The following NTRK3 variants were observed in gnomAD, a reference collection of about 807,000 sequenced individuals.
NTRK3 encodes neurotrophic receptor tyrosine kinase 3, also known as NT-3 growth factor receptor.
NTRK3 carries 24 observed loss-of-function variants against 91.7 expected under a neutral mutation model. That is an observed-to-expected ratio of 0.26 (90% confidence interval 0.19 to 0.37). The LOEUF is 0.37. Ranked by LOEUF, NTRK3 falls within the 10% of genes least tolerant of loss-of-function variation. The pLI is 1.00. For synonymous variants in NTRK3, 483 were observed against 404.0 expected, an observed-to-expected ratio of 1.20 and a Z score of -2.34; for missense variants, 880 against 1,068.9, an observed-to-expected ratio of 0.82 and a Z score of 2.46.
At position 88,077,514 on chromosome 15, in the gene NTRK3, G is replaced by A. The variant is rs2047655478; in HGVS notation, c.1397-44469C>T. On this transcript the variant is annotated intron_variant, in intron 13 of 18. Coordinates refer to ENST00000394480, the Ensembl canonical transcript of NTRK3. The stretch of plus-strand genomic sequence containing the variant: ...AGCCACGTGCAAATCAAAACCTTGA[G>A]AAACCCGGCACTTTGGAGAAGTAAG... Among the ~76,000 whole-genome samples, 5 of 152,002 alleles carry A rather than the reference G, an allele frequency of 3.3e-5. No individual in the cohort carries two copies. The South Asian group carries it at 1.0e-3, about 32-fold the overall frequency.
chr15:87,918,789 G>A (rs766102346), intron 17 of NTRK3, among the ~76,000 whole-genome samples: 6 of 152,188 alleles, frequency 3.9e-5, no homozygotes, highest in Non-Finnish European at 8.8e-5. Context: ...TGGTATGAGG[G>A]TAGGAAATAA....
intron 13 of NTRK3, among the ~76,000 whole-genome samples, chr15:88,117,587 C>T (rs2052236844): frequency 6.6e-6 from 1 of 152,204 alleles, no homozygotes; most frequent in Admixed American, 6.5e-5. Flanking sequence ...CTCAAAAGAA[C>T]CTTAGCTTGG....
chr15:88,090,225 T>A (rs150700869), intron 13 of NTRK3, among the ~76,000 whole-genome samples: 2 of 152,234 alleles, frequency 1.3e-5, no homozygotes, highest in East Asian at 3.9e-4. Context: ...ATGTTATAGG[T>A]TCATTTGTTT....
intron 6 of NTRK3, among the ~76,000 whole-genome samples, chr15:88,138,219 C>G (rs2042056263): frequency 6.6e-6 from 1 of 151,560 alleles, no homozygotes; most frequent in Non-Finnish European, 1.5e-5. Flanking sequence ...CGGATTAACA[C>G]TGTGAAACCC....
intron 3 of NTRK3, among the ~76,000 whole-genome samples, chr15:88,247,859 T>C (rs1264493364): frequency 6.7e-6 from 1 of 149,326 alleles, no homozygotes; most frequent in Non-Finnish European, 1.5e-5. Context: ...CGGGGTAAGG[T>C]CGCGGGGGGA....
chr15:88,079,397 C>A (rs961677345), intron 13 of NTRK3, among the ~76,000 whole-genome samples: 10 of 152,168 alleles, frequency 6.6e-5, no homozygotes, highest in African/African-American at 2.4e-4. Flanking sequence ...TACCAGGATG[C>A]CCCTGCTTCC....
chr15:88,004,326 G>T (rs1164762107), intron 14 of NTRK3, among the ~76,000 whole-genome samples: 2 of 152,188 alleles, frequency 1.3e-5, no homozygotes, highest in Non-Finnish European at 2.9e-5. Flanking sequence ...TATAGGAAGA[G>T]CCCAAGAGAC....
In NTRK3 at chr15:88,101,703, T is replaced by C. The variant is rs1171766155; in HGVS notation, c.1396+24568A>G. On this transcript the variant is annotated intron_variant, in intron 13 of 18. Coordinates refer to ENST00000394480, the Ensembl canonical transcript of NTRK3. The stretch of plus-strand genomic sequence containing the variant: ...TATGCAGCCATAAAAAATGATGAGT[T>C]CGTGTCCTTTGTAGGAACATGGATG... Among the ~76,000 whole-genome samples, 3 of 152,224 alleles carry C rather than the reference T, an allele frequency of 2.0e-5. No homozygotes were observed. The East Asian group carries it at 5.8e-4, about 29-fold the overall frequency.
chr15:88,186,450 T>C (rs910767138), intron 3 of NTRK3, among the ~76,000 whole-genome samples: 9 of 152,030 alleles, frequency 5.9e-5, no homozygotes, highest in Non-Finnish European at 4.4e-5. Flanking sequence ...AGTCCTCCGG[T>C]AAGTAGAATA....
chr15:87,868,856 G>C lies in NTRK3; in HGVS notation c.*8079C>G, dbSNP rs2064754694. 5.8e-5 allele frequency: 13 copies of C among 222,558 alleles called. No homozygotes were observed. In the East Asian group the frequency reaches 8.4e-4, roughly 14 times the overall value. The allele number at this position is 222,558 out of a possible 1,614,324, so 13.8% of individuals were successfully genotyped here. A position where few individuals can be genotyped will look rare whatever the true frequency, so the allele number is the denominator to read the frequency against. ...AACAGGAGCTGTGGCTGCCTCTCTTGTAAGGACCATAGGAAAGACCTGCAC... is the reference window on the plus strand; with the variant it reads ...AACAGGAGCTGTGGCTGCCTCTCTTCTAAGGACCATAGGAAAGACCTGCAC... On this transcript the variant is annotated 3_prime_UTR_variant, in exon 19 of 19. Transcript: ENST00000394480.
chr15:88,093,123 G>A (rs2049196977), intron 13 of NTRK3, among the ~76,000 whole-genome samples: 2 of 146,786 alleles, frequency 1.4e-5, no homozygotes, highest in Non-Finnish European at 3.0e-5. Context: ...TACCACAGAA[G>A]GTAAAACCAA....
intron 13 of NTRK3, among the ~76,000 whole-genome samples, chr15:88,101,495 G>T (rs1258921232): frequency 6.6e-6 from 1 of 152,196 alleles, no homozygotes; most frequent in African/African-American, 2.4e-5. Flanking sequence ...AATACCATTT[G>T]ACCCAGCCAT....
intron 17 of NTRK3, chr15:87,908,675 A>G (rs1194095943): frequency 1.8e-5 from 7 of 397,052 alleles, no homozygotes; most frequent in South Asian, 1.4e-4. Flanking sequence ...AAGCAGGGGG[A>G]TCTTTAACTG....
intron 3 of NTRK3, among the ~76,000 whole-genome samples, chr15:88,213,636 C>G (rs1438848916): frequency 6.6e-6 from 1 of 152,180 alleles, no homozygotes; most frequent in Non-Finnish European, 1.5e-5. Flanking sequence ...GTGCTGGGCA[C>G]TATTTTACAT....
intron 3 of NTRK3, among the ~76,000 whole-genome samples, chr15:88,202,207 C>T (rs1235911706): frequency 6.6e-6 from 1 of 152,198 alleles, no homozygotes; most frequent in Non-Finnish European, 1.5e-5. Flanking sequence ...TAATCCAATC[C>T]TAAGCGGGGA....
intron 5 of NTRK3, among the ~76,000 whole-genome samples, chr15:88,156,980 A>C (rs184474734): frequency 1.3e-5 from 2 of 152,142 alleles, no homozygotes; most frequent in African/African-American, 2.4e-5. Flanking sequence ...ACCACAGTGC[A>C]CAAAGAGACT....
intron 6 of NTRK3, among the ~76,000 whole-genome samples, chr15:88,146,902 C>A (rs901987593): frequency 5.3e-5 from 8 of 152,050 alleles, no homozygotes; most frequent in African/African-American, 1.9e-4. Context: ...CCTCAGAATC[C>A]TCACCCATAA....
chr15:88,184,424 A>G, intron 3 of NTRK3, 125 bp from the exon 4 acceptor site: 1 of 913,990 alleles, frequency 1.1e-6, no homozygotes, highest in East Asian at 2.6e-5. Context: ...TTGCCAAGTC[A>G]CCAAATAAAT....
chr15:88,109,192 G>C (rs11073761), intron 13 of NTRK3, among the ~76,000 whole-genome samples: 96,423 of 152,134 alleles, frequency 0.63, 32,378 homozygotes, highest in African/African-American at 0.87. Flanking sequence ...GCGAGGGCCC[G>C]GTGAGCCGCA....
Sources: allele counts gnomAD v4.1 joint callset (sites outside exome capture counted in the v4.1 genomes callset), GRCh38; gene constraint gnomAD v4.1.1; transcripts MANE v1.5; gene names NCBI Gene and HGNC (gene_info 2026-07-23, HGNC 2026-07-21).